PPP2R3C: variants seen among roughly 807,000 people sequenced by gnomAD.
The protein encoded by PPP2R3C is serine/threonine-protein phosphatase 2A regulatory subunit B'' subunit gamma.
PPP2R3C carries 47 observed loss-of-function variants against 63.7 expected under a neutral mutation model. The observed-to-expected ratio is 0.74, with a 90% CI of 0.58 to 0.94. PPP2R3C has a LOEUF of 0.94. PPP2R3C is among the 40% of genes least tolerant of loss of function. The pLI, the probability that PPP2R3C is intolerant of heterozygous loss-of-function variation, is 0.00. For missense variants in PPP2R3C, 421 were observed against 518.4 expected (o/e 0.81, Z 1.82); for synonymous variants, 180 against 177.4 (o/e 1.01, Z -0.12).
At chr14:35,089,673 T>C (rs1168121992) in intron 11 of PPP2R3C, among the ~76,000 whole-genome samples, 1 of 151,976 alleles carries the variant, frequency 6.6e-6, no homozygotes, top group Non-Finnish European at 1.5e-5. Context: ...TTAATTTTTT[T>C]TTTTCTTTTT....
chr14:35,091,160 CT>C lies in PPP2R3C; in HGVS notation c.1022del (p.Lys341ArgfsTer21). ...AAATATATTGTAGAGCTGCAGGTTC[CT>C]TTCTGTTTTCTAATGCAAGGACAAA... ...LDFVLALENR[K>X]EPAALQYIFK... On this transcript the variant is annotated frameshift_variant, in exon 11 of 13. Transcript: ENST00000261475. LOFTEE classifies it high-confidence loss of function. 6.2e-7 allele frequency: 1 copy of C among 1,610,260 alleles called. No individual in the cohort carries two copies. The highest frequency in any genetic ancestry group is 2.2e-5 in the East Asian group (1 of 44,810).
intron 4 of PPP2R3C, 31 bp downstream of exon 4, chr14:35,109,788 C>T: frequency 6.7e-7 from 1 of 1,496,190 alleles, no homozygotes. Context: ...CTTAACATAA[C>T]ACATTCTTTT....
At chr14:35,119,911 CACAATCTCCGGCTCACT>C (rs965556667) in intron 1 of PPP2R3C, among the ~76,000 whole-genome samples, 3 of 139,068 alleles carry the variant, frequency 2.2e-5, no homozygotes, top group African/African-American at 8.2e-5. Flanking sequence ...AGTGCAGTGG[CACAATCTCCGGCTCACT>C]ACAACCTCCG....
chr14:35,107,946 C>A, intron 5 of PPP2R3C, 193 bp downstream of exon 5: 1 of 572,002 alleles, frequency 1.7e-6, no homozygotes, highest in Non-Finnish European at 2.8e-6. Context: ...ATCTTTAAGA[C>A]ACATGAGGGT....
At chr14:35,117,166 T>C (rs2046733944) in intron 1 of PPP2R3C, 1 of 455,792 alleles carries the variant, frequency 2.2e-6, no homozygotes, top group Non-Finnish European at 4.4e-6. Flanking sequence ...TCATAATCAC[T>C]GTTTCTCTAC....
intron 10 of PPP2R3C, 66 bp from the exon 11 acceptor site, chr14:35,091,273 A>G (rs907717682): frequency 7.1e-7 from 1 of 1,417,348 alleles, no homozygotes; most frequent in Non-Finnish European, 9.5e-7. Flanking sequence ...TGAATATCTT[A>G]TGATTTGAAG....
At chr14:35,105,891 G>A (rs2046338793) in intron 6 of PPP2R3C, among the ~76,000 whole-genome samples, 1 of 151,772 alleles carries the variant, frequency 6.6e-6, no homozygotes, top group African/African-American at 2.4e-5. Flanking sequence ...CGCCCAGGTT[G>A]GAGTGCAGTG....
At chr14:35,087,157 T>C (rs980641756) in intron 12 of PPP2R3C, 3 of 152,150 alleles carry the variant, frequency 2.0e-5, no homozygotes, top group African/African-American at 7.2e-5. Context: ...TACTGGAACA[T>C]ATAGAAGACC....
At position 35,091,203 on chromosome 14, in the gene PPP2R3C, TA is replaced by T; in HGVS notation, c.979del (p.Tyr327IlefsTer11). On this transcript the variant is annotated frameshift_variant, in exon 11 of 13. Transcript: ENST00000261475. LOFTEE classifies it high-confidence loss of function. ...AAGGACAAAGTCCAAGTAGGTCTTATAGTCCTACAGAACAGAAAATAATGTT... is the reference window on the plus strand; with the variant it reads ...AAGGACAAAGTCCAAGTAGGTCTTATGTCCTACAGAACAGAAAATAATGTT... Reference protein sequence around the residue: ...ECLTYDGEMDYKTYLDFVLAL... With the variant: ...ECLTYDGEMDXKTYLDFVLAL... The T allele has an allele frequency of 6.2e-7, 1 of 1,607,758 alleles. No homozygotes were observed. Among genetic ancestry groups the T allele is most frequent in the South Asian group, 1.1e-5 (1 of 90,386 alleles).
chr14:35,091,230 C>A, intron 10 of PPP2R3C, 23 bp from the exon 11 acceptor site: 3 of 1,562,086 alleles, frequency 1.9e-6, no homozygotes, highest in South Asian at 2.4e-5. Context: ...AAATAATGTT[C>A]ATTAGAGGCC....
intron 2 of PPP2R3C, among the ~76,000 whole-genome samples, chr14:35,113,718 T>C (rs1308300400): frequency 2.0e-5 from 3 of 152,210 alleles, no homozygotes; most frequent in African/African-American, 7.2e-5. Flanking sequence ...GTGAGTGTCC[T>C]ATCTGGGGAA....
chr14:35,110,549 T>C lies in PPP2R3C; in HGVS notation c.267A>G (p.Glu89=), dbSNP rs761923503. 1 of 1,610,530 alleles carries C rather than the reference T, an allele frequency of 6.2e-7. No homozygotes were observed. Among genetic ancestry groups the C allele is most frequent in the South Asian group, 1.1e-5 (1 of 90,774 alleles). ...RAVFLQRKSR[E]LLDNEELQNL... Reference sequence around the variant, plus strand: ...CCTGTAATTCTTCATTATCTAACAGTTCTCTGCTTTTTCTTTGTAGAAAGA... The same window carrying C: ...CCTGTAATTCTTCATTATCTAACAGCTCTCTGCTTTTTCTTTGTAGAAAGA... The change falls in exon 3 of 13, where the codon GAA becomes GAG. Residue 89 remains glutamate (E), a synonymous_variant. Transcript: ENST00000261475.
chr14:35,108,093 A>G, intron 5 of PPP2R3C, 46 bp downstream of exon 5: 1 of 1,588,596 alleles, frequency 6.3e-7, no homozygotes, highest in Non-Finnish European at 8.5e-7. Context: ...CCAAAAACCT[A>G]CTTGATTCCC....
At chr14:35,110,479 A>G (rs780906536) in intron 3 of PPP2R3C, 46 bp downstream of exon 3, 5 of 1,297,288 alleles carry the variant, frequency 3.9e-6, no homozygotes, top group Admixed American at 1.8e-5. Flanking sequence ...AGTAGCACAA[A>G]TGAGAAATGG....
intron 1 of PPP2R3C, among the ~76,000 whole-genome samples, chr14:35,119,313 C>T (rs2046794462): frequency 1.3e-5 from 2 of 151,784 alleles, no homozygotes; most frequent in Non-Finnish European, 2.9e-5. Flanking sequence ...GTTGGGATTA[C>T]AGGTGTAAGC....
chr14:35,093,168 G>A (rs1281636089), intron 10 of PPP2R3C, among the ~76,000 whole-genome samples: 12 of 152,098 alleles, frequency 7.9e-5, no homozygotes, highest in African/African-American at 2.9e-4. Context: ...AGCCGAGATC[G>A]CGCCACTGCA....
intron 3 of PPP2R3C, 30 bp from the exon 4 acceptor site, chr14:35,109,961 G>GT (rs2046496319): frequency 6.7e-7 from 1 of 1,486,686 alleles, no homozygotes; most frequent in Non-Finnish European, 9.2e-7. Flanking sequence ...TGAAGATGTT[G>GT]TAAGTTAAAA....
intron 5 of PPP2R3C, 197 bp from the exon 6 acceptor site, chr14:35,107,571 A>G: frequency 1.8e-6 from 1 of 552,912 alleles, no homozygotes; most frequent in Non-Finnish European, 3.3e-6. Context: ...CTATAATAAA[A>G]TTGACACCTT....
chr14:35,107,978 A>C (rs1263190640), intron 5 of PPP2R3C, 161 bp downstream of exon 5: 1 of 1,135,704 alleles, frequency 8.8e-7, no homozygotes, highest in African/African-American at 1.6e-5. Flanking sequence ...TTGTTTTTTT[A>C]TGCTAACCCA....
Sources: allele counts gnomAD v4.1 joint callset (sites outside exome capture counted in the v4.1 genomes callset), GRCh38; gene constraint gnomAD v4.1.1; transcripts MANE v1.5; gene names NCBI Gene and HGNC (gene_info 2026-07-23, HGNC 2026-07-21).